AKR1C8: variants seen among roughly 807,000 people sequenced by gnomAD.
The protein encoded by AKR1C8 is aldo-keto reductase family 1 member C8.
At chr10:5,160,049 T>G in the AKR1C8 span, 2 of 378,466 alleles carry the variant, frequency 5.3e-6, no homozygotes, top group East Asian at 7.7e-5. Context: ...GTGTAAATTT[T>G]TCTTTTCAAT....
chr10:5,180,728 T>G, the AKR1C8 span, among the ~76,000 whole-genome samples: 2 of 152,218 alleles, frequency 1.3e-5, no homozygotes, highest in African/African-American at 4.8e-5. Flanking sequence ...CGCCTTGCAG[T>G]TTGATCTCAG....
the AKR1C8 span, among the ~76,000 whole-genome samples, chr10:5,146,128 C>T: frequency 7.0e-6 from 1 of 143,258 alleles, no homozygotes; most frequent in African/African-American, 2.6e-5. Flanking sequence ...TATTCTCACT[C>T]ATAGGTGGGA....
chr10:5,175,137 C>T, the AKR1C8 span, among the ~76,000 whole-genome samples: 11 of 143,682 alleles, frequency 7.7e-5, no homozygotes, highest in African/African-American at 2.1e-4. Context: ...CCCCCAACCC[C>T]GCAACAGTCC....
At chr10:5,138,765 C>G in the AKR1C8 span, among the ~76,000 whole-genome samples, 3 of 151,646 alleles carry the variant, frequency 2.0e-5, no homozygotes, top group Admixed American at 6.6e-5. Flanking sequence ...TAGCACAAGA[C>G]AGGGATGCCC....
chr10:5,136,666 T>C, the AKR1C8 span, among the ~76,000 whole-genome samples: 1 of 152,210 alleles, frequency 6.6e-6, no homozygotes, highest in African/African-American at 2.4e-5. Flanking sequence ...TAAATGTAAA[T>C]GGCTTAAATT....
At chr10:5,132,540 T>C in the AKR1C8 span, 70 of 1,320,248 alleles carry the variant, frequency 5.3e-5, no homozygotes, top group Non-Finnish European at 6.8e-5. Flanking sequence ...AGTTACAGAA[T>C]TGTCATCTCC....
the AKR1C8 span, among the ~76,000 whole-genome samples, chr10:5,116,808 C>T: frequency 1.3e-5 from 2 of 152,288 alleles, no homozygotes; most frequent in East Asian, 3.9e-4. Context: ...TTGGGTGGCC[C>T]CTGCGTATCA....
the AKR1C8 span, among the ~76,000 whole-genome samples, chr10:5,150,390 T>A: frequency 6.6e-6 from 1 of 151,866 alleles, no homozygotes; most frequent in East Asian, 1.9e-4. Flanking sequence ...ACATAAAAAT[T>A]ATAATAATTA....
chr10:5,176,809 G>A, the AKR1C8 span, among the ~76,000 whole-genome samples: 222 of 152,264 alleles, frequency 1.5e-3, no homozygotes, highest in Non-Finnish European at 2.2e-3. Context: ...GAATGCTTGT[G>A]ATTTTTGTAC....
the AKR1C8 span, chr10:5,155,664 G>C: frequency 2.1e-6 from 1 of 466,426 alleles, no homozygotes; most frequent in Non-Finnish European, 4.5e-6. Context: ...GAATCTACAA[G>C]CATCACTTAC....
At chr10:5,128,603 C>A in the AKR1C8 span, among the ~76,000 whole-genome samples, 2 of 151,750 alleles carry the variant, frequency 1.3e-5, no homozygotes, top group Non-Finnish European at 2.9e-5. Context: ...AGATTCCATG[C>A]AAATGGAAAC....
the AKR1C8 span, chr10:5,160,992 G>C: frequency 7.0e-6 from 3 of 426,784 alleles, no homozygotes; most frequent in African/African-American, 2.1e-5. Context: ...TTCAGGAGGT[G>C]GTGATTATTA....
At chr10:5,116,781 G>T in the AKR1C8 span, among the ~76,000 whole-genome samples, 1 of 152,098 alleles carries the variant, frequency 6.6e-6, no homozygotes, top group African/African-American at 2.4e-5. Context: ...GGGCTGTAGT[G>T]CTGCAGCTGT....
chr10:5,122,737 G>C, the AKR1C8 span, among the ~76,000 whole-genome samples: 1 of 152,116 alleles, frequency 6.6e-6, no homozygotes. Flanking sequence ...ACAGTATTCA[G>C]GGGTCATGAG....
At chr10:5,161,250 G>A in the AKR1C8 span, among the ~76,000 whole-genome samples, 5 of 152,254 alleles carry the variant, frequency 3.3e-5, no homozygotes, top group South Asian at 6.2e-4. Context: ...AGGACAAGCT[G>A]GTGTGGAGGA....
chr10:5,126,972 G>C, the AKR1C8 span, among the ~76,000 whole-genome samples: 1 of 148,320 alleles, frequency 6.7e-6, no homozygotes, highest in East Asian at 1.9e-4. Flanking sequence ...AGAACAAGTA[G>C]AAGAAGTAGT....
At chr10:5,139,388 G>A in the AKR1C8 span, among the ~76,000 whole-genome samples, 17 of 151,976 alleles carry the variant, frequency 1.1e-4, no homozygotes, top group East Asian at 3.9e-4. Flanking sequence ...TTATGCTACC[G>A]GACTTCAAAC....
chr10:5,177,883 A>C, the AKR1C8 span, among the ~76,000 whole-genome samples: 1 of 151,838 alleles, frequency 6.6e-6, no homozygotes, highest in East Asian at 1.9e-4. Flanking sequence ...CTTCTTTATT[A>C]GTCTGGCTAG....
chr10:5,128,617 A>G, the AKR1C8 span, among the ~76,000 whole-genome samples: 3 of 152,138 alleles, frequency 2.0e-5, no homozygotes, highest in Non-Finnish European at 4.4e-5. Flanking sequence ...TGGAAACCAA[A>G]AGTATTCAGG....
Sources: gnomAD v4.1 joint callset for allele counts (sites outside exome capture counted in the v4.1 genomes callset) on GRCh38, gnomAD v4.1.1 for gene constraint, MANE v1.5 for transcripts, NCBI Gene and HGNC (gene_info 2026-07-23, HGNC 2026-07-21) for gene names.